The following PEX16 variants were observed in gnomAD, a reference collection of about 807,000 sequenced individuals.
PEX16 encodes peroxin 16.
A neutral mutation model predicts 50.5 loss-of-function variants in PEX16; 37 were observed. The ratio of observed to expected loss-of-function variants is 0.73; its 90% CI spans 0.56 to 0.96. The LOEUF is 0.96. Among genes scored for constraint, PEX16 ranks in the 40% least tolerant of loss-of-function variants. PEX16 has a pLI of 0.00. For missense variants in PEX16, 401 were observed against 438.3 expected (o/e 0.91, Z 0.76); for synonymous variants, 185 against 190.3 (o/e 0.97, Z 0.23).
chr11:45,914,920 C>A (rs1459191598), intron 5 of PEX16, among the ~76,000 whole-genome samples: 1 of 152,220 alleles, frequency 6.6e-6, no homozygotes, highest in Admixed American at 6.5e-5. Context: ...ATAGCTGTGG[C>A]CAGAGCCAGC....
At chr11:45,913,718 C>T (rs2086800778) in intron 9 of PEX16, 101 bp downstream of exon 9, 7 of 1,372,248 alleles carry the variant, frequency 5.1e-6, no homozygotes, top group Admixed American at 3.4e-5. Flanking sequence ...GCTTGGTGAA[C>T]CCTGGATGAG....
Position 45,914,423 on chromosome 11 carries a change from T to C in PEX16, c.587A>G (p.Glu196Gly). The C allele has an allele frequency of 6.2e-7, 1 of 1,608,744 alleles. No homozygotes were observed. ...CTCGTGATGCTGCTGCTGCCGTCCCTCCCGCTGCTGGGGAGCTCCCCAGTG... is the reference window on the plus strand; with the variant it reads ...CTCGTGATGCTGCTGCTGCCGTCCCCCCCGCTGCTGGGGAGCTCCCCAGTG... ...SRHWGAPQQR[E>G]GRQQQHHEEL... is the part of the protein sequence containing the mutation. Residue 196 changes from glutamate (E) to glycine (G), a missense_variant, in exon 7 of 11, where the codon GAG becomes GGG. By Grantham distance (98) the Glu-to-Gly change is moderately conservative. Transcript: ENST00000378750.
chr11:45,918,223 T>G, upstream of PEX16: 1 of 289,118 alleles, frequency 3.5e-6, no homozygotes, highest in Non-Finnish European at 6.8e-6. Context: ...CCCGAGTCTT[T>G]CCAATGGAAC....
intron 9 of PEX16, among the ~76,000 whole-genome samples, chr11:45,913,103 G>A (rs1020990199): frequency 1.7e-4 from 26 of 152,038 alleles, no homozygotes; most frequent in Middle Eastern, 3.2e-3. Flanking sequence ...GATTATAGGT[G>A]TGAGCCACTG....
intron 4 of PEX16, 32 bp downstream of exon 4, chr11:45,915,671 C>T: frequency 1.9e-6 from 3 of 1,613,334 alleles, no homozygotes; most frequent in Non-Finnish European, 2.5e-6. Flanking sequence ...GCGTCACCCC[C>T]ACCCAGGACC....
chr11:45,914,918 G>A (rs1177992814), intron 5 of PEX16, among the ~76,000 whole-genome samples: 1 of 152,216 alleles, frequency 6.6e-6, no homozygotes, highest in Non-Finnish European at 1.5e-5. Flanking sequence ...GCATAGCTGT[G>A]GCCAGAGCCA....
rs2086828644 is a variant in PEX16, at chr11:45,915,855, A to C, written c.226-19T>G. 1 of 1,613,116 alleles carries C rather than the reference A, an allele frequency of 6.2e-7. No individual in the cohort carries two copies. The highest frequency in any genetic ancestry group is 1.7e-4 in the Middle Eastern group (1 of 6,060). ...ACAGCGACTGCAAGAACCCCAGGCCAAGAAGTCAGGGGGCCTGGGACTACA... is the reference window on the plus strand; with the variant it reads ...ACAGCGACTGCAAGAACCCCAGGCCCAGAAGTCAGGGGGCCTGGGACTACA... On this transcript the variant is annotated intron_variant, in intron 3 of 10. Transcript: ENST00000378750.
At chr11:45,916,732 C>T (rs2086840343) in intron 2 of PEX16, among the ~76,000 whole-genome samples, 1 of 152,198 alleles carries the variant, frequency 6.6e-6, no homozygotes, top group Non-Finnish European at 1.5e-5. Flanking sequence ...TGCAATGGCA[C>T]AATCTCGGCT....
chr11:45,915,489 C>G lies in PEX16; in HGVS notation c.439G>C (p.Glu147Gln), dbSNP rs2086824360. ...TSPPIVPLDR[E>Q]TQAQPPDGDH... ...TCACCCGGGGGCTGTGCCTGGGTCT[C>G]TCTGTCCAGTGGAACGATAGGGGGT... The change falls in exon 5 of 11, where the codon GAG becomes CAG. Residue 147 changes from glutamate to glutamine, a missense_variant. Physicochemically the swap from Glu to Gln is conservative, Grantham distance 29 (BLOSUM62 2). Transcript: ENST00000378750. 6.2e-7 allele frequency: 1 copy of G among 1,614,056 alleles called. No individual in the cohort carries two copies.
rs1279842948 is a variant in PEX16, at chr11:45,914,317, G to A, written c.693C>T (p.His231=). 1.9e-6 allele frequency: 3 copies of A among 1,613,388 alleles called. No individual in the cohort carries two copies. Among genetic ancestry groups the A allele is most frequent in the South Asian group, 2.2e-5 (2 of 91,090 alleles). Residue 231 remains histidine, a splice_region_variant and synonymous_variant, in exon 7 of 11, where the codon CAC becomes CAT. Coordinates refer to ENST00000378750, the MANE Select transcript of PEX16 (RefSeq NM_004813.4). ...EFLYIARPLL[H]LLSLGLWGQR... ...TATCCTGCCCCGCGCTAAGGATACA[G>A]TGCAGCAGCGGCCGGGCAATGTACA...
In PEX16 at chr11:45,913,936, A is replaced by C. The variant is rs1267100244; in HGVS notation, c.770T>G (p.Leu257Arg). ...GCCCTTTCTGTCACTCAGGAGGCTC[A>C]GGCTGGGAGGCAGGGAGGACATGGT... ...LLAGVVDVTSLSLLSDRKGLT... is the reference protein window; with the variant it reads ...LLAGVVDVTSRSLLSDRKGLT... The change falls in exon 9 of 11, where the codon CTG becomes CGG. Residue 257 changes from leucine (L) to arginine (R), a missense_variant and splice_region_variant. Coordinates refer to ENST00000378750, the MANE Select transcript of PEX16 (RefSeq NM_004813.4). The C allele has an allele frequency of 6.2e-7, 1 of 1,612,312 alleles. No homozygotes were observed. Among genetic ancestry groups the C allele is most frequent in the African/African-American group, 1.3e-5 (1 of 74,920 alleles).
At position 45,909,971 on chromosome 11, in the gene PEX16, T is replaced by G; in HGVS notation, c.*283A>C. ...GAGGCGAGCAGCTTCCCGGGCTCCATGAGGTGAAGTCACCGCTTTCTGTGG... is the reference window on the plus strand; with the variant it reads ...GAGGCGAGCAGCTTCCCGGGCTCCAGGAGGTGAAGTCACCGCTTTCTGTGG... On this transcript the variant is annotated 3_prime_UTR_variant, in exon 11 of 11. Transcript: ENST00000378750. 1.1e-6 allele frequency: 1 copy of G among 924,144 alleles called. No individual in the cohort carries two copies. Among genetic ancestry groups the G allele is most frequent in the Non-Finnish European group, 1.7e-6 (1 of 572,416 alleles). 57.2% of individuals were successfully genotyped at this position (924,144 alleles called of 1,614,324 possible). A position where few individuals can be genotyped will look rare whatever the true frequency, so the allele number is the denominator to read the frequency against.
chr11:45,912,871 G>C (rs576181754), intron 9 of PEX16, among the ~76,000 whole-genome samples: 3 of 151,782 alleles, frequency 2.0e-5, no homozygotes, highest in Non-Finnish European at 4.4e-5. Context: ...CTGTCACCCA[G>C]GCTAGAGTGG....
At chr11:45,914,886 TC>T (rs776337033) in intron 5 of PEX16, among the ~76,000 whole-genome samples, 1 of 152,118 alleles carries the variant, frequency 6.6e-6, no homozygotes, top group Non-Finnish European at 1.5e-5. Context: ...TCTGCAGCCC[TC>T]CCTAGCCTGG....
chr11:45,915,962 G>T, intron 3 of PEX16, 126 bp from the exon 4 acceptor site: 1 of 987,352 alleles, frequency 1.0e-6, no homozygotes, highest in Non-Finnish European at 1.6e-6. Flanking sequence ...TAACTGTGCA[G>T]GTGTGAGTTC....
intron 9 of PEX16, among the ~76,000 whole-genome samples, chr11:45,913,255 G>A (rs2086796547): frequency 6.6e-6 from 1 of 152,172 alleles, no homozygotes. Flanking sequence ...CAGTCATAGT[G>A]GCAGGCCTGT....
In PEX16 at chr11:45,914,116, C is replaced by G. The variant is rs770254589; in HGVS notation, c.767+15G>C. On this transcript the variant is annotated intron_variant, in intron 8 of 10. Transcript: ENST00000378750. ...GCCCAGTGGAGAGTGAAGCCCCAGG[C>G]AGGCCCAGGCTCACCTGGTCACGTC... 5.0e-6 allele frequency: 8 copies of G among 1,589,978 alleles called. No homozygotes were observed. The highest frequency in any genetic ancestry group is 6.9e-6 in the Non-Finnish European group (8 of 1,167,388).
chr11:45,916,621 C>A (rs955086679), intron 2 of PEX16, among the ~76,000 whole-genome samples: 3 of 152,186 alleles, frequency 2.0e-5, no homozygotes, highest in African/African-American at 7.2e-5. Context: ...GGTCCCACCT[C>A]CTGGCCCTTT....
intron 5 of PEX16, among the ~76,000 whole-genome samples, chr11:45,915,011 T>C (rs1441784310): frequency 1.3e-5 from 2 of 152,170 alleles, no homozygotes; most frequent in African/African-American, 4.8e-5. Flanking sequence ...AGAGGGGCCG[T>C]CTCCTCTCAA....
Sources: gnomAD v4.1 joint callset for allele counts (sites outside exome capture counted in the v4.1 genomes callset) on GRCh38, gnomAD v4.1.1 for gene constraint, MANE v1.5 for transcripts, NCBI Gene and HGNC (gene_info 2026-07-23, HGNC 2026-07-21) for gene names.